The following CDH13 variants were observed in gnomAD, a reference collection of about 807,000 sequenced individuals.
The protein encoded by CDH13 is cadherin-13.
In CDH13, 24 loss-of-function variants were observed where a neutral mutation model predicts 63.8. The observed-to-expected ratio is 0.38, with a 90% CI of 0.27 to 0.53. The LOEUF (loss-of-function observed/expected upper bound fraction) is 0.53. CDH13 is among the 20% of genes least tolerant of loss of function. The probability of loss-of-function intolerance (pLI) is 0.85; values close to 1 mark genes in which losing one functional copy is unlikely to be tolerated. For synonymous variants in CDH13, 503 were observed against 355.3 expected (o/e 1.42, Z -4.67); for missense variants, 1,049 against 903.1 (o/e 1.16, Z -2.07).
chr16:83,334,503 C>T (rs886287904), intron 5 of CDH13, among the ~76,000 whole-genome samples: 5 of 150,374 alleles, frequency 3.3e-5, no homozygotes. Context: ...TCCTGAGTAG[C>T]TGGGAGTACA....
At chr16:82,820,597 G>A (rs189751937) in intron 1 of CDH13, among the ~76,000 whole-genome samples, 16 of 152,194 alleles carry the variant, frequency 1.1e-4, no homozygotes, top group African/African-American at 3.1e-4. Flanking sequence ...ATTTATTCAC[G>A]GAACACATTT....
chr16:83,728,180 G>A (rs996296847), intron 10 of CDH13, among the ~76,000 whole-genome samples: 1 of 152,126 alleles, frequency 6.6e-6, no homozygotes, highest in Non-Finnish European at 1.5e-5. Flanking sequence ...CTGTCTCAGA[G>A]TCTATCCTCG....
intron 10 of CDH13, among the ~76,000 whole-genome samples, chr16:83,678,893 G>A (rs1051287934): frequency 6.6e-6 from 1 of 152,218 alleles, no homozygotes; most frequent in Admixed American, 6.5e-5. Flanking sequence ...GATTCGTAGA[G>A]GTTCGGTACT....
At chr16:83,114,414 C>T (rs748305189) in intron 3 of CDH13, among the ~76,000 whole-genome samples, 15 of 152,146 alleles carry the variant, frequency 9.9e-5, no homozygotes, top group Non-Finnish European at 1.6e-4. Flanking sequence ...GCTTGATAAG[C>T]ACTGAGTGGT....
At chr16:83,081,972 C>G (rs1002847251) in intron 3 of CDH13, among the ~76,000 whole-genome samples, 3 of 151,752 alleles carry the variant, frequency 2.0e-5, no homozygotes. Flanking sequence ...AGCTAATTTT[C>G]TATTTTTAGT....
At chr16:82,849,529 G>A (rs1567598307) in intron 1 of CDH13, among the ~76,000 whole-genome samples, 1 of 152,132 alleles carries the variant, frequency 6.6e-6, no homozygotes, top group Non-Finnish European at 1.5e-5. Context: ...AATAAAGTGT[G>A]AGGTGAAGCA....
At chr16:83,353,191 C>G (rs1019999707) in intron 6 of CDH13, among the ~76,000 whole-genome samples, 3 of 152,236 alleles carry the variant, frequency 2.0e-5, no homozygotes, top group African/African-American at 7.2e-5. Context: ...GTCCGTGTAA[C>G]GAAACTGCAC....
chr16:83,623,005 C>T (rs576110937), intron 8 of CDH13, among the ~76,000 whole-genome samples: 1 of 152,224 alleles, frequency 6.6e-6, no homozygotes, highest in Admixed American at 6.5e-5. Flanking sequence ...GCTTTGGGAA[C>T]ATGACCTAAG....
chr16:82,906,322 C>G (rs1244454783), intron 2 of CDH13, among the ~76,000 whole-genome samples: 1 of 152,148 alleles, frequency 6.6e-6, no homozygotes, highest in Non-Finnish European at 1.5e-5. Flanking sequence ...ATTCCTTTAA[C>G]ACATGATTGG....
At chr16:83,781,604 T>C (rs1199370246) in intron 12 of CDH13, among the ~76,000 whole-genome samples, 1 of 152,226 alleles carries the variant, frequency 6.6e-6, no homozygotes, top group Non-Finnish European at 1.5e-5. Flanking sequence ...ATTTTATTGC[T>C]TTTTAAATAA....
chr16:83,016,387 A>T (rs1239694613), intron 2 of CDH13, among the ~76,000 whole-genome samples: 1 of 152,214 alleles, frequency 6.6e-6, no homozygotes, highest in Non-Finnish European at 1.5e-5. Context: ...AACCAAAAGG[A>T]GTCTGCTAAT....
At chr16:82,701,834 C>CT (rs2031050437) in intron 1 of CDH13, among the ~76,000 whole-genome samples, 1 of 152,162 alleles carries the variant, frequency 6.6e-6, no homozygotes, top group African/African-American at 2.4e-5. Context: ...ACAGGATGCT[C>CT]TGATTAGCCA....
rs548738280 is a variant in CDH13, at chr16:82,785,737, T to C, written c.46-72625T>C. 2.0e-5 allele frequency among the ~76,000 whole-genome samples: 3 copies of C among 152,226 alleles called. No individual in the cohort carries two copies. The East Asian group carries it at 5.8e-4, about 29-fold the overall frequency. ...ATCAAAGTGTATTCCAGTAACTGCATGGAAGGGGCTGGAGGGAGAAGGTTA... is the reference window on the plus strand; with the variant it reads ...ATCAAAGTGTATTCCAGTAACTGCACGGAAGGGGCTGGAGGGAGAAGGTTA... On this transcript the variant is annotated intron_variant, in intron 1 of 13. Coordinates refer to ENST00000567109, the MANE Select transcript of CDH13 (RefSeq NM_001257.5).
intron 1 of CDH13, among the ~76,000 whole-genome samples, chr16:82,757,821 T>C (rs1405657540): frequency 6.6e-6 from 1 of 152,062 alleles, no homozygotes; most frequent in African/African-American, 2.4e-5. Context: ...CAGCTAATTT[T>C]TGTATTTTTA....
intron 7 of CDH13, among the ~76,000 whole-genome samples, chr16:83,514,007 G>T (rs1567727625): frequency 6.6e-6 from 1 of 152,128 alleles, no homozygotes; most frequent in Admixed American, 6.5e-5. Flanking sequence ...TCATCATCAG[G>T]AGCTGAAAGA....
At chr16:82,735,882 A>G (rs988715696) in intron 1 of CDH13, among the ~76,000 whole-genome samples, 3 of 152,204 alleles carry the variant, frequency 2.0e-5, no homozygotes, top group Admixed American at 6.5e-5. Flanking sequence ...TTTGCTTACA[A>G]TGTGCATGGC....
In CDH13 at chr16:82,842,135, T is replaced by C. The variant is rs62035173; in HGVS notation, c.46-16227T>C. On this transcript the variant is annotated intron_variant, in intron 1 of 13. Coordinates refer to ENST00000567109, the MANE Select transcript of CDH13 (RefSeq NM_001257.5). Reference sequence around the variant, plus strand: ...ATGTATATATATATATATATATATATATACACATATATATATATATATATA... The same window carrying C: ...ATGTATATATATATATATATATATACATACACATATATATATATATATATA... Among the ~76,000 whole-genome samples, 134 of 49,104 alleles carry C rather than the reference T, an allele frequency of 2.7e-3. 10 individuals are homozygous for C. The highest frequency in any genetic ancestry group is 5.2e-3 in the Non-Finnish European group (111 of 21,452). The allele number at this position is 49,104 out of a possible 152,430, so 32.2% of individuals were successfully genotyped here.
chr16:82,639,391 C>T (rs1743652239), intron 1 of CDH13: 6 of 1,535,448 alleles, frequency 3.9e-6, no homozygotes, highest in Admixed American at 2.0e-5. Context: ...TGCATGGTTC[C>T]CCCAGCAAGA....
At chr16:83,567,385 C>A (rs74550528) in intron 7 of CDH13, among the ~76,000 whole-genome samples, 1,850 of 152,232 alleles carry the variant, frequency 0.012, 32 homozygotes, top group African/African-American at 0.042. Flanking sequence ...GAGTCCAGGG[C>A]GTACCTGTAA....
Sources: gnomAD v4.1 joint callset for allele counts (sites outside exome capture counted in the v4.1 genomes callset) on GRCh38, gnomAD v4.1.1 for gene constraint, MANE v1.5 for transcripts, NCBI Gene and HGNC (gene_info 2026-07-23, HGNC 2026-07-21) for gene names.